Variants in SWT1 observed in about 807,000 individuals in gnomAD.
SWT1 encodes the protein transcriptional protein SWT1.
A neutral mutation model predicts 107.3 loss-of-function variants in SWT1; 33 were observed. The ratio of observed to expected loss-of-function variants is 0.31; its 90% confidence interval spans 0.23 to 0.41. The LOEUF (loss-of-function observed/expected upper bound fraction) is 0.41, where lower values mean the gene tolerates loss of function less well. Among genes scored for constraint, SWT1 ranks in the 10% least tolerant of loss-of-function variants. SWT1 has a pLI of 1.00. For synonymous variants in SWT1, 345 were observed against 348.3 expected (o/e 0.99, Z 0.11); for missense variants, 898 against 1,028.9 (o/e 0.87, Z 1.74).
At chr1:185,242,296 G>A (rs189877526) in intron 16 of SWT1, among the ~76,000 whole-genome samples, 16 of 152,212 alleles carry the variant, frequency 1.1e-4, no homozygotes, top group South Asian at 2.1e-4. Context: ...TGGCATTCAC[G>A]TATCAGTCGG....
chr1:185,188,208 A>T (rs182561079), intron 9 of SWT1, among the ~76,000 whole-genome samples: 29 of 152,306 alleles, frequency 1.9e-4, no homozygotes, highest in Non-Finnish European at 1.0e-4. Context: ...TCACATGTAC[A>T]GGTGCTCAAA....
rs774183910 is a variant in SWT1 at position 185,202,848 on chromosome 1, TAA to T, written c.1669+50_1669+51del. On this transcript the variant is annotated intron_variant, in intron 11 of 18. Coordinates refer to ENST00000367500, the MANE Select transcript of SWT1 (RefSeq NM_017673.7). ...TAGAGATATATCTTATTTTATACACTAAGATTATTTATAACATTAGAATCGAT... is the reference window on the plus strand; with the variant it reads ...TAGAGATATATCTTATTTTATACACTGATTATTTATAACATTAGAATCGAT... 3 of 1,018,380 alleles carry T rather than the reference TAA, an allele frequency of 2.9e-6. No homozygotes were observed. The East Asian group carries it at 9.0e-5, about 30-fold the overall frequency. 63.1% of individuals were successfully genotyped at this position (1,018,380 alleles called of 1,614,324 possible). A position where few individuals can be genotyped will look rare whatever the true frequency, so the allele number is the denominator to read the frequency against.
chr1:185,237,198 T>A (rs1660947359), intron 16 of SWT1, among the ~76,000 whole-genome samples: 1 of 152,198 alleles, frequency 6.6e-6, no homozygotes, highest in Non-Finnish European at 1.5e-5. Context: ...ATCCCGTTCC[T>A]GGGTATATAT....
In SWT1 at chr1:185,214,395, G is replaced by A. The variant is rs187809092; in HGVS notation, c.1973-112G>A. ...GGGATAACTTAGGAGTGGCATATAG[G>A]TATAAATGTATACTCTTTTTAAATT... On this transcript the variant is annotated intron_variant, in intron 13 of 18. Coordinates refer to ENST00000367500, the MANE Select transcript of SWT1 (RefSeq NM_017673.7). 6.9e-3 allele frequency: 5,077 copies of A among 731,528 alleles called. 35 individuals carry two copies. The highest frequency in any genetic ancestry group is 0.011 in the South Asian group (500 of 46,786). 45.3% of individuals were successfully genotyped at this position (731,528 alleles called of 1,614,324 possible). A position where few individuals can be genotyped will look rare whatever the true frequency, so the allele number is the denominator to read the frequency against.
intron 9 of SWT1, among the ~76,000 whole-genome samples, chr1:185,187,788 G>A (rs1656623112): frequency 6.6e-6 from 1 of 152,006 alleles, no homozygotes; most frequent in African/African-American, 2.4e-5. Flanking sequence ...GGCCTCAAGT[G>A]TGCGATTCTC....
intron 16 of SWT1, among the ~76,000 whole-genome samples, chr1:185,251,088 C>T (rs1175293301): frequency 6.6e-6 from 1 of 152,194 alleles, no homozygotes; most frequent in African/African-American, 2.4e-5. Flanking sequence ...TAATGATGCT[C>T]TTCCTAATGG....
chr1:185,174,896 A>G lies in SWT1; in HGVS notation c.749A>G (p.Glu250Gly). 1 of 1,614,088 alleles carries G rather than the reference A, an allele frequency of 6.2e-7. No individual in the cohort carries two copies. The highest frequency in any genetic ancestry group is 8.5e-7 in the Non-Finnish European group (1 of 1,180,000). ...SRDTLQKLVEENVFNIDSNNS... is the reference protein window; with the variant it reads ...SRDTLQKLVEGNVFNIDSNNS... ...GACACCCTCCAGAAACTTGTAGAAG[A>G]AAATGTCTTCAACATAGATTCTAAT... is the stretch of plus-strand genomic sequence containing the variant. The change falls in exon 5 of 19, where the codon GAA (glutamate) becomes GGA (glycine). Residue 250 changes from glutamate (E) to glycine (G), a missense_variant. Glu to Gly is a moderately conservative substitution (Grantham distance 98). Coordinates refer to ENST00000367500, the MANE Select transcript of SWT1 (RefSeq NM_017673.7).
chr1:185,164,996 A>C (rs1014283842), intron 2 of SWT1, among the ~76,000 whole-genome samples: 3 of 152,188 alleles, frequency 2.0e-5, no homozygotes, highest in African/African-American at 7.2e-5. Flanking sequence ...CTTTGATTTA[A>C]AGTGAGAGAC....
chr1:185,160,958 A>G, intron 2 of SWT1, 33 bp downstream of exon 2: 3 of 1,462,704 alleles, frequency 2.1e-6, no homozygotes, highest in Non-Finnish European at 2.8e-6. Context: ...CTAGAGATAC[A>G]TTTCAATTTA....
intron 6 of SWT1, among the ~76,000 whole-genome samples, 170 bp from the exon 7 acceptor site, chr1:185,181,776 A>G (rs759710347): frequency 6.6e-5 from 10 of 152,204 alleles, no homozygotes; most frequent in South Asian, 6.2e-4. Flanking sequence ...TTTGAAAACC[A>G]CGTGTGTGTT....
intron 3 of SWT1, among the ~76,000 whole-genome samples, chr1:185,167,946 C>T (rs759748235): frequency 6.6e-6 from 1 of 152,172 alleles, no homozygotes; most frequent in Non-Finnish European, 1.5e-5. Context: ...GTTATTTGTA[C>T]ATGTTCTACT....
intron 14 of SWT1, among the ~76,000 whole-genome samples, chr1:185,217,109 G>C (rs1335770139): frequency 2.0e-5 from 3 of 152,192 alleles, no homozygotes; most frequent in Non-Finnish European, 4.4e-5. Flanking sequence ...CTCAACACTT[G>C]GCTTTAGTGT....
chr1:185,271,661 C>T (rs894314200), intron 17 of SWT1, among the ~76,000 whole-genome samples: 2 of 152,102 alleles, frequency 1.3e-5, no homozygotes, highest in Non-Finnish European at 2.9e-5. Context: ...TCAGCTATCT[C>T]ACAGTTAACC....
chr1:185,251,537 T>C (rs908020872), intron 16 of SWT1: 9 of 152,210 alleles, frequency 5.9e-5, no homozygotes. Context: ...CTTATTGTAA[T>C]GCTGCCAATT....
rs1663981318 is a variant in SWT1 at position 185,272,961 on chromosome 1, AG to A, written c.2508+1574del. On this transcript the variant is annotated intron_variant, in intron 17 of 18. Transcript: ENST00000367500. ...TGAGGAGAGATTATTTGAGTCCGGG[AG>A]GTCAAGGCTGCAGTGAGCCATGTTC... 2.0e-5 allele frequency among the ~76,000 whole-genome samples: 3 copies of A among 151,430 alleles called. No homozygotes were observed. In the South Asian group the frequency reaches 6.3e-4, roughly 32 times the overall value.
chr1:185,253,335 T>G (rs1571623726), intron 16 of SWT1, among the ~76,000 whole-genome samples: 1 of 151,066 alleles, frequency 6.6e-6, no homozygotes, highest in African/African-American at 2.4e-5. Flanking sequence ...CATTGGTAGC[T>G]TGATGGGGAT....
chr1:185,157,880 C>T (rs1653762223), intron 1 of SWT1, among the ~76,000 whole-genome samples: 1 of 152,102 alleles, frequency 6.6e-6, no homozygotes, highest in Non-Finnish European at 1.5e-5. Context: ...AGCGAGTCCC[C>T]TGTCCCCCGT....
At chr1:185,267,340 A>G (rs956085337) in intron 16 of SWT1, among the ~76,000 whole-genome samples, 2 of 152,246 alleles carry the variant, frequency 1.3e-5, no homozygotes, top group African/African-American at 4.8e-5. Flanking sequence ...AACTTGATCA[A>G]GGTCGCAAAA....
intron 4 of SWT1, 64 bp from the exon 5 acceptor site, chr1:185,174,308 A>G: frequency 7.7e-7 from 1 of 1,304,972 alleles, no homozygotes. Context: ...ATTCTAACTA[A>G]AATGATAGAG....
Sources: gnomAD v4.1 joint callset for allele counts (sites outside exome capture counted in the v4.1 genomes callset) on GRCh38, gnomAD v4.1.1 for gene constraint, MANE v1.5 for transcripts, NCBI Gene and HGNC (gene_info 2026-07-23, HGNC 2026-07-21) for gene names.